The following PGAP6 variants were observed in gnomAD, a reference collection of about 807,000 sequenced individuals.
PGAP6 encodes the protein post-GPI attachment to proteins 6, also known as post-GPI attachment to proteins factor 6.
PGAP6 carries 62 observed loss-of-function variants against 68.4 expected under a neutral mutation model. The ratio of observed to expected loss-of-function variants is 0.91; its 90% confidence interval spans 0.74 to 1.12. PGAP6 has a LOEUF of 1.12. PGAP6 is among the 50% of genes most tolerant of loss of function. The pLI is 0.00. For synonymous variants in PGAP6, 575 were observed against 474.0 expected, an observed-to-expected ratio of 1.21 and a Z score of -2.77; for missense variants, 1,188 against 1,068.5, an observed-to-expected ratio of 1.11 and a Z score of -1.56.
upstream of PGAP6, among the ~76,000 whole-genome samples, chr16:384,799 T>A (rs1205100597): frequency 6.8e-6 from 1 of 147,220 alleles, no homozygotes; most frequent in Non-Finnish European, 1.5e-5. Context: ...GAGGTTGCAG[T>A]GAGCCAAGAT....
chr16:386,685 G>A (rs567490734), upstream of PGAP6: 114 of 403,732 alleles, frequency 2.8e-4, no homozygotes, highest in Non-Finnish European at 4.5e-4. Context: ...TCCCAGCCTG[G>A]GCAACATGGT....
intron 1 of PGAP6, among the ~76,000 whole-genome samples, chr16:378,364 AC>A: frequency 6.5e-5 from 6 of 92,586 alleles, no homozygotes; most frequent in Non-Finnish European, 1.1e-4. Context: ...TGCCATCCCC[AC>A]CCGCACTGCC....
intron 3 of PGAP6, 50 bp downstream of exon 3, chr16:377,328 C>G: frequency 6.5e-7 from 1 of 1,548,080 alleles, no homozygotes; most frequent in African/African-American, 1.4e-5. Context: ...CAGGGACAGG[C>G]CATCGCCGCA....
chr16:385,375 C>A (rs1044759030), upstream of PGAP6, among the ~76,000 whole-genome samples: 3 of 133,060 alleles, frequency 2.3e-5, no homozygotes, highest in Non-Finnish European at 4.6e-5. Flanking sequence ...TGCAGTGATG[C>A]GATCTCGGCT....
chr16:375,610 G>A (rs1484217957), intron 6 of PGAP6, among the ~76,000 whole-genome samples, 175 bp from the exon 7 acceptor site: 11 of 150,620 alleles, frequency 7.3e-5, no homozygotes, highest in African/African-American at 2.7e-4. Flanking sequence ...TCGGCTCACT[G>A]CAACCTCCGC....
At position 377,538 on chromosome 16, in the gene PGAP6, C is replaced by G; in HGVS notation, c.347G>C (p.Ser116Thr). 1 of 1,591,672 alleles carries G rather than the reference C, an allele frequency of 6.3e-7. No homozygotes were observed. Among genetic ancestry groups the G allele is most frequent in the Non-Finnish European group, 8.5e-7 (1 of 1,169,694 alleles). ...APPVINPLGTSFPDDTAVQPS... is the reference protein window; with the variant it reads ...APPVINPLGTTFPDDTAVQPS... ...CTGTACCGCGGTGTCGTCCGGGAAG[C>G]TGGTGCCCAGCGGGTTGATGACCGG... is the stretch of plus-strand genomic sequence containing the variant. The change falls in exon 3 of 13, where the codon AGC (serine) becomes ACC (threonine). Residue 116 changes from serine (S) to threonine (T), a missense_variant. Physicochemically the swap from Ser to Thr is moderately conservative, Grantham distance 58. Transcript: ENST00000431232.
intron 9 of PGAP6, 69 bp from the exon 10 acceptor site, chr16:374,468 G>C (rs2054363103): frequency 6.9e-7 from 1 of 1,441,856 alleles, no homozygotes; most frequent in African/African-American, 1.4e-5. Flanking sequence ...CCCTCACCCA[G>C]GACCCTGCAG....
At chr16:374,521 C>T (rs1047102388) in intron 9 of PGAP6, 122 bp from the exon 10 acceptor site, 51 of 1,224,024 alleles carry the variant, frequency 4.2e-5, no homozygotes, top group East Asian at 1.3e-4. Context: ...GTAGGCACGG[C>T]GGGCGGGGTC....
At chr16:385,607 G>A (rs8047753), upstream of PGAP6, among the ~76,000 whole-genome samples, 91,382 of 113,606 alleles carry the variant, frequency 0.8, 37,186 homozygotes, top group East Asian at 0.98. Flanking sequence ...CACAGCGCCC[G>A]GCCTACTCTG....
chr16:377,662 G>A lies in PGAP6; in HGVS notation c.299+9C>T, dbSNP rs1196423041. On this transcript the variant is annotated intron_variant, in intron 2 of 12. Transcript: ENST00000431232. ...GGGAGGGTGGGCAGGCGGGCGGGCAGCCACCTACACGGTGATCTCCGCGTC... is the reference window on the plus strand; with the variant it reads ...GGGAGGGTGGGCAGGCGGGCGGGCAACCACCTACACGGTGATCTCCGCGTC... The A allele has an allele frequency of 6.4e-7, 1 of 1,574,662 alleles. No homozygotes were observed. The highest frequency in any genetic ancestry group is 1.3e-5 in the African/African-American group (1 of 74,156).
chr16:378,181 C>CCCACCTGCACTGCCATCG (rs2054404047), intron 1 of PGAP6, among the ~76,000 whole-genome samples: 2 of 59,708 alleles, frequency 3.3e-5, no homozygotes, highest in African/African-American at 1.3e-4. Context: ...CACTGCCATC[C>CCCACCTGCACTGCCATCG]CCACCCGCAC....
At chr16:380,816 G>T (rs1414341745) in intron 1 of PGAP6, among the ~76,000 whole-genome samples, 2 of 152,144 alleles carry the variant, frequency 1.3e-5, no homozygotes, top group African/African-American at 4.8e-5. Flanking sequence ...AGGGGCTGGG[G>T]GCCGGGAAGT....
At chr16:379,342 C>A (rs1368489316) in intron 1 of PGAP6, among the ~76,000 whole-genome samples, 1 of 152,250 alleles carries the variant, frequency 6.6e-6, no homozygotes, top group Non-Finnish European at 1.5e-5. Context: ...CCAATAGCAG[C>A]CTGTCGGCAA....
At position 375,274 on chromosome 16, in the gene PGAP6, G is replaced by A. The variant is rs1329454081; in HGVS notation, c.1316-18C>T. 2.5e-6 allele frequency: 4 copies of A among 1,612,696 alleles called. No individual in the cohort carries two copies. Among genetic ancestry groups the A allele is most frequent in the South Asian group, 2.2e-5 (2 of 91,074 alleles). On this transcript the variant is annotated intron_variant, in intron 7 of 12. Coordinates refer to ENST00000431232, the MANE Select transcript of PGAP6 (RefSeq NM_021259.3). ...GAAGAAGGCTGCAGGGGAGCCAGAG[G>A]GCCCCATCAGAGGAGGCCGGGGCGG...
chr16:380,372 CTTT>C (rs35957500), intron 1 of PGAP6, among the ~76,000 whole-genome samples: 1 of 144,858 alleles, frequency 6.9e-6, no homozygotes. Context: ...TTCTGTCTTT[CTTT>C]TTTTTTTTTG....
chr16:375,778 CCTCGGCCTCCCA>C (rs981897472), intron 6 of PGAP6, among the ~76,000 whole-genome samples: 2 of 152,182 alleles, frequency 1.3e-5, no homozygotes, highest in African/African-American at 2.4e-5. Context: ...GATCCACCCT[CCTCGGCCTCCCA>C]AAGTGCTGGG....
chr16:378,333 C>CACTGCCATCGCCACTCTG (rs1567325819), intron 1 of PGAP6, among the ~76,000 whole-genome samples: 1 of 75,708 alleles, frequency 1.3e-5, no homozygotes, highest in Non-Finnish European at 2.5e-5. Context: ...TCGCCACCCG[C>CACTGCCATCGCCACTCTG]ACTGCCATCG....
rs1218880504 is a variant in PGAP6 at position 376,898 on chromosome 16, C to T, written c.636-86G>A. The T allele has an allele frequency of 3.8e-6, 6 of 1,566,222 alleles. No individual in the cohort carries two copies. The African/African-American group carries it at 4.1e-5, about 11-fold the overall frequency. On this transcript the variant is annotated intron_variant, in intron 4 of 12. Transcript: ENST00000431232. ...TGCCCAGGCTCTGCTGTTCCTCAGC[C>T]CACTCTGGTGGGGGCCAGGCATCTG...
rs750518748 is a variant in PGAP6 at position 375,148 on chromosome 16, C to T, written c.1424G>A (p.Cys475Tyr). The stretch of plus-strand genomic sequence containing the variant: ...GTTTACTTACTCAGCATTCTCAGGG[C>T]ACATGAGCTGCAGGGAGAGGTACCA... Reference protein sequence around the residue: ...DNWYLSLQLMCPENAEDCEQA... With the variant: ...DNWYLSLQLMYPENAEDCEQA... The change falls in exon 8 of 13, where the codon TGC becomes TAC. Residue 475 changes from cysteine (C) to tyrosine (Y), a missense_variant. By Grantham distance (194) the Cys-to-Tyr change is radical. Coordinates refer to ENST00000431232, the MANE Select transcript of PGAP6 (RefSeq NM_021259.3). The T allele has an allele frequency of 3.0e-5, 48 of 1,613,222 alleles. No individual in the cohort carries two copies. The highest frequency in any genetic ancestry group is 3.9e-5 in the Non-Finnish European group (46 of 1,179,970).
Sources: allele counts gnomAD v4.1 joint callset (sites outside exome capture counted in the v4.1 genomes callset), GRCh38; gene constraint gnomAD v4.1.1; transcripts MANE v1.5; gene names NCBI Gene and HGNC (gene_info 2026-07-23, HGNC 2026-07-21).